The following ZNF148 variants were observed in gnomAD, a reference collection of about 807,000 sequenced individuals.
The protein encoded by ZNF148 is zinc finger protein 148.
ZNF148 carries 7 observed loss-of-function variants against 67.7 expected under a neutral mutation model. The observed-to-expected ratio is 0.10, with a 90% CI of 0.06 to 0.19. The LOEUF is 0.19. Ranked by LOEUF, ZNF148 falls within the 10% of genes least tolerant of loss-of-function variation. ZNF148 has a pLI of 1.00. For missense variants in ZNF148, 583 were observed against 947.1 expected, an observed-to-expected ratio of 0.62 and a Z score of 5.05; for synonymous variants, 333 against 330.7, an observed-to-expected ratio of 1.01 and a Z score of -0.08.
chr3:125,362,703 C>T (rs555185966), intron 1 of ZNF148, among the ~76,000 whole-genome samples: 20 of 151,972 alleles, frequency 1.3e-4, no homozygotes, highest in South Asian at 1.0e-3. Flanking sequence ...TACAAGTGCG[C>T]GCCACCACAC....
chr3:125,274,158 T>C (rs918344971), intron 7 of ZNF148, among the ~76,000 whole-genome samples: 3 of 152,158 alleles, frequency 2.0e-5, no homozygotes, highest in Non-Finnish European at 4.4e-5. Flanking sequence ...AAGTACTTGA[T>C]CCACAAGGAA....
chr3:125,343,260 T>G (rs577842559), intron 1 of ZNF148, among the ~76,000 whole-genome samples: 91 of 152,198 alleles, frequency 6.0e-4, no homozygotes, highest in African/African-American at 1.9e-3. Flanking sequence ...GGAGTACATT[T>G]AGTAAAAATG....
At chr3:125,363,825 T>A (rs1005765324) in intron 1 of ZNF148, among the ~76,000 whole-genome samples, 3 of 152,076 alleles carry the variant, frequency 2.0e-5, no homozygotes, top group Non-Finnish European at 4.4e-5. Context: ...AATTTTTTTA[T>A]CTTTGCAGAG....
chr3:125,292,368 C>G (rs1939064573), intron 4 of ZNF148: 1 of 152,184 alleles, frequency 6.6e-6, no homozygotes, highest in Non-Finnish European at 1.5e-5. Context: ...TATTACATTT[C>G]TCACTATAAA....
At chr3:125,357,062 C>CA (rs1206286015) in intron 1 of ZNF148, 1 of 152,252 alleles carries the variant, frequency 6.6e-6, no homozygotes, top group Non-Finnish European at 1.5e-5. Context: ...GGGTGTCCAT[C>CA]ATCAGCCTTC....
At chr3:125,310,747 A>G (rs1045221857) in intron 4 of ZNF148, 4 of 152,280 alleles carry the variant, frequency 2.6e-5, no homozygotes, top group African/African-American at 9.7e-5. Flanking sequence ...TTGTTCGAAC[A>G]TGAGTTTCAG....
intron 1 of ZNF148, among the ~76,000 whole-genome samples, chr3:125,334,640 T>C (rs911143621): frequency 1.3e-5 from 2 of 152,142 alleles, no homozygotes; most frequent in Non-Finnish European, 2.9e-5. Context: ...TATGAGATAG[T>C]ATTGTTATTA....
At position 125,236,222 on chromosome 3, in the gene ZNF148, TA is replaced by T. The variant is rs954152199; in HGVS notation, c.668-1894del. ...TGTAGTTCAAAGTACCTTACACAAT[TA>T]AAAAAAAATTTTTTTCTTGTACAGA... On this transcript the variant is annotated intron_variant, in intron 7 of 8. Transcript: ENST00000360647. Among the ~76,000 whole-genome samples, 4 of 151,872 alleles carry T rather than the reference TA, an allele frequency of 2.6e-5. No individual in the cohort carries two copies. The East Asian group carries it at 5.8e-4, about 22-fold the overall frequency.
chr3:125,370,871 A>G (rs962968327), intron 1 of ZNF148, among the ~76,000 whole-genome samples: 17 of 152,174 alleles, frequency 1.1e-4, no homozygotes, highest in African/African-American at 3.9e-4. Flanking sequence ...CCTCCTTCAC[A>G]TTAACTATAT....
intron 1 of ZNF148, among the ~76,000 whole-genome samples, chr3:125,352,658 A>G (rs1282457346): frequency 2.5e-5 from 2 of 79,718 alleles, no homozygotes; most frequent in Non-Finnish European, 4.9e-5. Flanking sequence ...AAGGACCTCT[A>G]TCTTAAAAAA....
At chr3:125,246,315 T>C (rs927361468) in intron 7 of ZNF148, among the ~76,000 whole-genome samples, 5 of 152,010 alleles carry the variant, frequency 3.3e-5, no homozygotes, top group Non-Finnish European at 7.4e-5. Context: ...GGGTAGACAA[T>C]AAAATTTTCA....
At chr3:125,356,661 G>A (rs1375380244) in intron 1 of ZNF148, among the ~76,000 whole-genome samples, 1 of 152,112 alleles carries the variant, frequency 6.6e-6, no homozygotes, top group Non-Finnish European at 1.5e-5. Context: ...AATTCTTCAT[G>A]TAAACTCAAC....
rs568486651 is a variant in ZNF148, at chr3:125,238,876, G to C, written c.668-4547C>G. Among the ~76,000 whole-genome samples, 16 of 152,308 alleles carry C rather than the reference G, an allele frequency of 1.1e-4. No homozygotes were observed. The South Asian group carries it at 3.3e-3, about 32-fold the overall frequency. On this transcript the variant is annotated intron_variant, in intron 7 of 8. Coordinates refer to ENST00000360647, the MANE Select transcript of ZNF148 (RefSeq NM_021964.3). ...GAAGTAACCCAAGTGTCCATCAACA[G>C]ATGAATGGATAGAAATATGTGACAC... is the stretch of plus-strand genomic sequence containing the variant.
intron 7 of ZNF148, among the ~76,000 whole-genome samples, chr3:125,250,945 C>T (rs1180479514): frequency 6.6e-6 from 1 of 152,170 alleles, no homozygotes; most frequent in African/African-American, 2.4e-5. Flanking sequence ...GTAGAGAACA[C>T]ATAAAGATCC....
At chr3:125,287,374 C>T (rs1394575065) in intron 5 of ZNF148, among the ~76,000 whole-genome samples, 5 of 152,206 alleles carry the variant, frequency 3.3e-5, no homozygotes, top group South Asian at 4.1e-4. Flanking sequence ...AGTGGTGGCT[C>T]ACGCCTGTAA....
At chr3:125,350,174 T>G (rs184096995) in intron 1 of ZNF148, among the ~76,000 whole-genome samples, 13 of 152,282 alleles carry the variant, frequency 8.5e-5, no homozygotes, top group Admixed American at 2.6e-4. Context: ...TTGTTTTGTT[T>G]TTTGAGACAG....
At position 125,303,683 on chromosome 3, in the gene ZNF148, T is replaced by C. The variant is rs534366588; in HGVS notation, c.333+9625A>G. 6.8e-4 allele frequency among the ~76,000 whole-genome samples: 103 copies of C among 152,210 alleles called. 1 individual carries two copies. In the South Asian group the frequency reaches 0.01, roughly 15 times the overall value. ...CAGGGCTCCTACTGACTCTACATTATGGTGAGTTGTATAATTACTTCATTA... is the reference window on the plus strand; with the variant it reads ...CAGGGCTCCTACTGACTCTACATTACGGTGAGTTGTATAATTACTTCATTA... On this transcript the variant is annotated intron_variant, in intron 4 of 8. Coordinates refer to ENST00000360647, the MANE Select transcript of ZNF148 (RefSeq NM_021964.3).
At chr3:125,243,458 T>C (rs1008272938) in intron 7 of ZNF148, among the ~76,000 whole-genome samples, 2 of 152,226 alleles carry the variant, frequency 1.3e-5, no homozygotes, top group African/African-American at 2.4e-5. Context: ...TCTCAAACAA[T>C]TAAAAAGAAG....
chr3:125,317,662 T>TATATATATAG (rs752542874), intron 3 of ZNF148, among the ~76,000 whole-genome samples: 1 of 90,018 alleles, frequency 1.1e-5, no homozygotes, highest in Admixed American at 1.2e-4. Flanking sequence ...TATATATATA[T>TATATATATAG]AGAGAGAGAG....
Sources: gnomAD v4.1 joint callset for allele counts (sites outside exome capture counted in the v4.1 genomes callset) on GRCh38, gnomAD v4.1.1 for gene constraint, MANE v1.5 for transcripts, NCBI Gene and HGNC (gene_info 2026-07-23, HGNC 2026-07-21) for gene names.